The following CPVL variants were observed in gnomAD, a reference collection of about 807,000 sequenced individuals.
CPVL encodes the protein carboxypeptidase vitellogenic like, also known as probable serine carboxypeptidase CPVL.
Under a neutral mutation model 63.7 loss-of-function variants are expected in CPVL, and 51 were observed. The observed-to-expected ratio is 0.80, with a 90% confidence interval of 0.64 to 1.01. CPVL has a LOEUF of 1.01. Among genes scored for constraint, CPVL ranks in the 50% least tolerant of loss-of-function variants. CPVL has a pLI of 0.00. For missense variants in CPVL, 530 were observed against 573.1 expected (o/e 0.92, Z 0.77); for synonymous variants, 195 against 206.0 (o/e 0.95, Z 0.46).
At chr7:29,181,852 A>G (rs1798094941) in intron 4 of CPVL, among the ~76,000 whole-genome samples, 2 of 152,072 alleles carry the variant, frequency 1.3e-5, no homozygotes, top group South Asian at 2.1e-4. Flanking sequence ...CTAAACTGCT[A>G]ATTCCTAAGG....
At chr7:29,056,108 T>C (rs1337864548) in intron 11 of CPVL, among the ~76,000 whole-genome samples, 1 of 152,162 alleles carries the variant, frequency 6.6e-6, no homozygotes. Flanking sequence ...CCTTATGCCC[T>C]CTCCCATACA....
At position 29,066,116 on chromosome 7, in the gene CPVL, C is replaced by T; in HGVS notation, c.870G>A (p.Leu290=). Residue 290 remains leucine (L), a synonymous_variant, in exon 10 of 13, where the codon CTG becomes CTA. Transcript: ENST00000265394. ...TTAAGTCGCCATCTAGTAGTTTATC[C>T]AGTATCTAGGTTGGGAGAGAGGGAG... ...KQNWFEAFEI[L]DKLLDGDLTS... 1 of 1,551,602 alleles carries T rather than the reference C, an allele frequency of 6.4e-7. No homozygotes were observed. The highest frequency in any genetic ancestry group is 2.3e-5 in the East Asian group (1 of 44,130).
intron 1 of CPVL, among the ~76,000 whole-genome samples, chr7:29,187,366 A>T (rs1484477247): frequency 6.7e-6 from 1 of 150,164 alleles, no homozygotes; most frequent in African/African-American, 2.4e-5. Flanking sequence ...TGTGTGTGTG[A>T]CAAAGAGAGA....
At chr7:29,164,932 C>G (rs1371365474) in intron 5 of CPVL, among the ~76,000 whole-genome samples, 2 of 152,072 alleles carry the variant, frequency 1.3e-5, no homozygotes, top group African/African-American at 4.8e-5. Flanking sequence ...TAATACCACA[C>G]TGTCTTGATT....
chr7:29,094,543 T>C (rs1197824883), intron 5 of CPVL, among the ~76,000 whole-genome samples: 1 of 152,032 alleles, frequency 6.6e-6, no homozygotes, highest in Non-Finnish European at 1.5e-5. Flanking sequence ...GGACATCTCA[T>C]AGGATTAAAA....
At chr7:29,101,178 TGAA>T (rs1403033534) in intron 3 of CPVL, among the ~76,000 whole-genome samples, 1 of 152,222 alleles carries the variant, frequency 6.6e-6, no homozygotes, top group Non-Finnish European at 1.5e-5. Context: ...TAAGACCGAA[TGAA>T]GAAATGACCA....
At chr7:29,046,899 A>T (rs1377994527) in intron 11 of CPVL, among the ~76,000 whole-genome samples, 2 of 152,198 alleles carry the variant, frequency 1.3e-5, no homozygotes, top group African/African-American at 4.8e-5. Flanking sequence ...TCAGTGTATG[A>T]GAGTGCATTC....
At position 29,095,089 on chromosome 7, in the gene CPVL, T is replaced by G; in HGVS notation, c.457A>C (p.Asn153His). The part of the protein sequence containing the change: ...TTTLSMLYID[N>H]PVGTGFSFTD... ...CAGGGTCATCCCGGACTTACTGGAT[T>G]GTCAATGTAAAGCATGGAGAGCGTT... is the stretch of plus-strand genomic sequence containing the variant. Residue 153 changes from asparagine to histidine, a missense_variant, in exon 5 of 13, where the codon AAT becomes CAT. Transcript: ENST00000265394. 2.5e-6 allele frequency: 4 copies of G among 1,613,608 alleles called. No homozygotes were observed. The highest frequency in any genetic ancestry group is 3.4e-6 in the Non-Finnish European group (4 of 1,179,528).
At chr7:29,129,376 G>C (rs1383109162) in intron 1 of CPVL, among the ~76,000 whole-genome samples, 1 of 152,086 alleles carries the variant, frequency 6.6e-6, no homozygotes, top group Non-Finnish European at 1.5e-5. Flanking sequence ...ATATTTTGAA[G>C]TTCTATCTCC....
chr7:29,096,420 A>G (rs1786406900), intron 3 of CPVL: 2 of 578,894 alleles, frequency 3.5e-6, no homozygotes, highest in South Asian at 2.3e-5. Context: ...TGTGCCTCAT[A>G]TGCTGGTGTC....
At chr7:29,051,238 A>C (rs1200158050) in intron 11 of CPVL, among the ~76,000 whole-genome samples, 1 of 152,242 alleles carries the variant, frequency 6.6e-6, no homozygotes, top group East Asian at 1.9e-4. Flanking sequence ...AATAAAAACA[A>C]AGATTAATAG....
intron 12 of CPVL, among the ~76,000 whole-genome samples, chr7:29,019,050 AAT>A (rs34018632): frequency 0.13 from 19,645 of 149,134 alleles, 1,411 homozygotes; most frequent in African/African-American, 0.2. Context: ...GATAGGTATA[AAT>A]ATATATATAT....
At chr7:29,128,034 T>C in intron 1 of CPVL, 1 of 151,952 alleles carries the variant, frequency 6.6e-6, no homozygotes, top group Non-Finnish European at 1.5e-5. Flanking sequence ...ATGAACCTTG[T>C]GATGGATGAG....
At chr7:29,098,922 G>A (rs374889512) in intron 3 of CPVL, among the ~76,000 whole-genome samples, 1 of 152,158 alleles carries the variant, frequency 6.6e-6, no homozygotes, top group African/African-American at 2.4e-5. Context: ...AAAATTAGCT[G>A]GGCCTAGTGG....
intron 4 of CPVL, 115 bp from the exon 5 acceptor site, chr7:29,095,257 C>T: frequency 3.7e-6 from 3 of 815,536 alleles, no homozygotes; most frequent in South Asian, 1.4e-5. Flanking sequence ...TTGGCGTACC[C>T]TCTAACAGTG....
At chr7:29,163,415 A>G (rs573386845) in intron 5 of CPVL, among the ~76,000 whole-genome samples, 4 of 152,278 alleles carry the variant, frequency 2.6e-5, no homozygotes, top group African/African-American at 4.8e-5. Flanking sequence ...TAGATAATTT[A>G]AAATTACATA....
chr7:29,086,065 G>C (rs192776421), intron 7 of CPVL, among the ~76,000 whole-genome samples: 1 of 152,022 alleles, frequency 6.6e-6, no homozygotes, highest in Admixed American at 6.6e-5. Context: ...AGGCCGAGGC[G>C]GGCAGATCAT....
intron 5 of CPVL, among the ~76,000 whole-genome samples, chr7:29,175,594 A>C (rs534700304): frequency 6.6e-6 from 1 of 152,264 alleles, no homozygotes; most frequent in South Asian, 2.1e-4. Flanking sequence ...CCCCAGCCGT[A>C]TGGAACTGAG....
chr7:29,106,711 A>G (rs568189388), intron 3 of CPVL, among the ~76,000 whole-genome samples: 2 of 152,262 alleles, frequency 1.3e-5, no homozygotes, highest in Admixed American at 1.3e-4. Flanking sequence ...TCGCATAGTA[A>G]TCCCCACTCC....
Sources: gnomAD v4.1 joint callset for allele counts (sites outside exome capture counted in the v4.1 genomes callset) on GRCh38, gnomAD v4.1.1 for gene constraint, MANE v1.5 for transcripts, NCBI Gene and HGNC (gene_info 2026-07-23, HGNC 2026-07-21) for gene names.